TBC1D32: variants seen among roughly 807,000 people sequenced by gnomAD.
TBC1D32 encodes protein broad-minded.
Under a neutral mutation model 170.3 loss-of-function variants are expected in TBC1D32, and 151 were observed. The observed-to-expected ratio is 0.89, with a 90% confidence interval of 0.78 to 1.01. The LOEUF is 1.01. Among genes scored for constraint, TBC1D32 ranks in the 50% least tolerant of loss-of-function variants. The pLI, the probability that TBC1D32 is intolerant of heterozygous loss-of-function variation, is 0.00. For synonymous variants in TBC1D32, 498 were observed against 488.0 expected (o/e 1.02, Z -0.27); for missense variants, 1,464 against 1,457.1 (o/e 1.00, Z -0.08).
intron 16 of TBC1D32, 120 bp from the exon 17 acceptor site, chr6:121,255,530 T>TAATTA (rs1280529108): frequency 1.2e-4 from 30 of 241,894 alleles, no homozygotes; most frequent in African/African-American, 4.7e-5. Flanking sequence ...TTTATATTTC[T>TAATTA]TACTGATAGC....
At chr6:121,272,097 A>G (rs1372357365) in intron 15 of TBC1D32, among the ~76,000 whole-genome samples, 1 of 152,192 alleles carries the variant, frequency 6.6e-6, no homozygotes, top group African/African-American at 2.4e-5. Context: ...ACCTTATACA[A>G]AAATTAATTC....
chr6:121,326,106 CA>C (rs749631434), intron 1 of TBC1D32, among the ~76,000 whole-genome samples: 1 of 151,996 alleles, frequency 6.6e-6, no homozygotes, highest in Non-Finnish European at 1.5e-5. Flanking sequence ...TTATAAAGCC[CA>C]ATCTGTAAGC....
intron 20 of TBC1D32, among the ~76,000 whole-genome samples, chr6:121,226,431 C>T (rs555701483): frequency 6.6e-6 from 1 of 152,064 alleles, no homozygotes; most frequent in East Asian, 1.9e-4. Context: ...GTATCTTTAT[C>T]CTCTAGGGAA....
chr6:121,100,663 C>T (rs1180824120), intron 30 of TBC1D32, among the ~76,000 whole-genome samples: 1 of 151,938 alleles, frequency 6.6e-6, no homozygotes, highest in Non-Finnish European at 1.5e-5. Context: ...ACCCTAACAT[C>T]ACAATTAAAA....
intron 30 of TBC1D32, among the ~76,000 whole-genome samples, chr6:121,105,753 C>T (rs1778615897): frequency 6.6e-6 from 1 of 151,902 alleles, no homozygotes; most frequent in African/African-American, 2.4e-5. Context: ...ACTGGCATTA[C>T]AAAGCAAGTA....
intron 15 of TBC1D32, among the ~76,000 whole-genome samples, chr6:121,265,724 A>G (rs1800388529): frequency 6.6e-6 from 1 of 152,182 alleles, no homozygotes; most frequent in African/African-American, 2.4e-5. Flanking sequence ...GTACAAAAAC[A>G]GACATATAGA....
chr6:121,298,385 A>C (rs1157878898), intron 10 of TBC1D32, among the ~76,000 whole-genome samples: 1 of 152,008 alleles, frequency 6.6e-6, no homozygotes, highest in African/African-American at 2.4e-5. Flanking sequence ...TCTATAAAAA[A>C]CCTTATTTGA....
intron 30 of TBC1D32, among the ~76,000 whole-genome samples, chr6:121,101,242 C>A (rs969733837): frequency 2.0e-5 from 3 of 152,032 alleles, no homozygotes; most frequent in East Asian, 1.9e-4. Context: ...TTTTATGAGG[C>A]CAGCATCATC....
At chr6:121,147,866 A>T (rs1783669895) in intron 24 of TBC1D32, among the ~76,000 whole-genome samples, 1 of 150,570 alleles carries the variant, frequency 6.6e-6, no homozygotes, top group Non-Finnish European at 1.5e-5. Context: ...TGCTGGGATT[A>T]CAGGCGTGAG....
intron 30 of TBC1D32, among the ~76,000 whole-genome samples, chr6:121,093,523 G>A (rs573137006): frequency 3.3e-5 from 5 of 152,164 alleles, no homozygotes; most frequent in East Asian, 1.9e-4. Context: ...AAATACAAAC[G>A]ATCTCCACAG....
intron 22 of TBC1D32, among the ~76,000 whole-genome samples, chr6:121,177,191 G>A (rs1219471481): frequency 6.6e-6 from 1 of 152,138 alleles, no homozygotes; most frequent in Non-Finnish European, 1.5e-5. Context: ...TGTTGGAGGT[G>A]GGGCTTGGTG....
intron 31 of TBC1D32, among the ~76,000 whole-genome samples, chr6:121,082,528 A>G (rs1014564395): frequency 4.6e-5 from 7 of 151,992 alleles, no homozygotes; most frequent in African/African-American, 1.7e-4. Context: ...CCAGAGACTA[A>G]AGATCCAATG....
chr6:121,104,423 T>A (rs542594145), intron 30 of TBC1D32, among the ~76,000 whole-genome samples: 1 of 151,846 alleles, frequency 6.6e-6, no homozygotes, highest in South Asian at 2.1e-4. Flanking sequence ...TAATTCTCTC[T>A]AATAGACTCT....
intron 16 of TBC1D32, among the ~76,000 whole-genome samples, chr6:121,255,860 C>T (rs1219457600): frequency 1.3e-5 from 2 of 152,052 alleles, no homozygotes; most frequent in Non-Finnish European, 2.9e-5. Flanking sequence ...AGAAAAGAAT[C>T]TGTAGTACCC....
intron 1 of TBC1D32, among the ~76,000 whole-genome samples, chr6:121,323,389 T>C (rs1010853966): frequency 3.9e-5 from 6 of 152,224 alleles, no homozygotes; most frequent in Non-Finnish European, 8.8e-5. Flanking sequence ...ACTTATTTTA[T>C]TATTTCAGTC....
intron 24 of TBC1D32, among the ~76,000 whole-genome samples, chr6:121,150,915 T>C (rs532805120): frequency 5.0e-4 from 76 of 152,224 alleles, no homozygotes; most frequent in Non-Finnish European, 6.6e-4. Context: ...GTAGTCTGGC[T>C]AGTGGTCTAT....
chr6:121,186,456 T>C (rs1789223092), intron 22 of TBC1D32, among the ~76,000 whole-genome samples: 1 of 151,914 alleles, frequency 6.6e-6, no homozygotes, highest in Non-Finnish European at 1.5e-5. Context: ...TAGATATAGA[T>C]AATATATAGC....
At chr6:121,266,953 A>G (rs1345121975) in intron 15 of TBC1D32, among the ~76,000 whole-genome samples, 1 of 151,922 alleles carries the variant, frequency 6.6e-6, no homozygotes, top group Non-Finnish European at 1.5e-5. Context: ...GGACAAATAG[A>G]TAATGCATGC....
At chr6:121,121,621 T>C (rs1780277387) in intron 26 of TBC1D32, among the ~76,000 whole-genome samples, 1 of 152,018 alleles carries the variant, frequency 6.6e-6, no homozygotes, top group African/African-American at 2.4e-5. Context: ...GTGAATCAAG[T>C]AAAGTTTCTG....
Sources: gnomAD v4.1 joint callset for allele counts (sites outside exome capture counted in the v4.1 genomes callset) on GRCh38, gnomAD v4.1.1 for gene constraint, MANE v1.5 for transcripts, NCBI Gene and HGNC (gene_info 2026-07-23, HGNC 2026-07-21) for gene names.